Variants in GRIK1 observed in about 807,000 individuals in gnomAD.
GRIK1 encodes glutamate receptor ionotropic, kainate 1.
GRIK1 carries 69 observed loss-of-function variants against 105.7 expected under a neutral mutation model. That is an observed-to-expected ratio of 0.65 (90% CI 0.54 to 0.80). GRIK1 has a LOEUF of 0.80. Among genes scored for constraint, GRIK1 ranks in the 30% least tolerant of loss-of-function variants. GRIK1 has a pLI of 0.00. For synonymous variants in GRIK1, 438 were observed against 431.3 expected (o/e 1.02, Z -0.19); for missense variants, 1,109 against 1,167.3 (o/e 0.95, Z 0.73).
chr21:29,710,093 T>C (rs1308889384), intron 1 of GRIK1, among the ~76,000 whole-genome samples: 1 of 151,678 alleles, frequency 6.6e-6, no homozygotes, highest in Non-Finnish European at 1.5e-5. Flanking sequence ...AAATATTATT[T>C]ATACTCATAT....
intron 1 of GRIK1, among the ~76,000 whole-genome samples, chr21:29,847,369 G>A (rs1192745598): frequency 6.6e-6 from 1 of 152,228 alleles, no homozygotes; most frequent in Non-Finnish European, 1.5e-5. Context: ...GCCCAGGCGG[G>A]TGGATCACTA....
In GRIK1 at chr21:29,720,635, G is replaced by A. The variant is rs983059192; in HGVS notation, c.119-26572C>T. Among the ~76,000 whole-genome samples the A allele has an allele frequency of 3.7e-4, 56 of 152,034 alleles. 1 individual carries two copies. The highest frequency in any genetic ancestry group is 7.2e-5 in the African/African-American group (3 of 41,392). Reference sequence around the variant, plus strand: ...ATAGCTGGCCGGCTCATGGAGCTTCGGTTTACAGCAGTCACCTCTTCTACT... The same window carrying A: ...ATAGCTGGCCGGCTCATGGAGCTTCAGTTTACAGCAGTCACCTCTTCTACT... On this transcript the variant is annotated intron_variant, in intron 1 of 17. Transcript: ENST00000327783.
chr21:29,924,634 CA>C (rs927865638), intron 1 of GRIK1, among the ~76,000 whole-genome samples: 4 of 152,090 alleles, frequency 2.6e-5, no homozygotes, highest in Admixed American at 2.0e-4. Flanking sequence ...CTTAATGTCT[CA>C]AAAAATTTTA....
At chr21:29,609,448 A>G (rs1021264485) in intron 7 of GRIK1, among the ~76,000 whole-genome samples, 21 of 152,176 alleles carry the variant, frequency 1.4e-4, no homozygotes, top group Admixed American at 8.5e-4. Flanking sequence ...TTATGTGTCA[A>G]TTTGACTGGG....
In GRIK1 at chr21:29,766,124, C is replaced by T. The variant is rs1256823828; in HGVS notation, c.119-72061G>A. On this transcript the variant is annotated intron_variant, in intron 1 of 17. Coordinates refer to ENST00000327783, the MANE Select transcript of GRIK1 (RefSeq NM_001330994.2). ...TTGGCCTCCAAAAGTGCTGGGATTA[C>T]AGGCATGAGCCACCGTGCCTGGCCA... Among the ~76,000 whole-genome samples the T allele has an allele frequency of 3.3e-5, 5 of 152,264 alleles. No individual in the cohort carries two copies. In the South Asian group the frequency reaches 1.0e-3, roughly 32 times the overall value.
At chr21:29,679,385 T>TTA (rs1227277551) in intron 3 of GRIK1, among the ~76,000 whole-genome samples, 1 of 152,164 alleles carries the variant, frequency 6.6e-6, no homozygotes, top group Non-Finnish European at 1.5e-5. Context: ...GGTTGATGTG[T>TTA]TATAAATTCA....
At chr21:29,548,936 T>C (rs1051916570) in intron 16 of GRIK1, among the ~76,000 whole-genome samples, 5 of 152,348 alleles carry the variant, frequency 3.3e-5, no homozygotes, top group Non-Finnish European at 5.9e-5. Flanking sequence ...TTAATTTTTT[T>C]CCCTTATTTC....
intron 16 of GRIK1, among the ~76,000 whole-genome samples, chr21:29,544,699 G>T (rs1277528160): frequency 6.6e-6 from 1 of 152,202 alleles, no homozygotes; most frequent in Non-Finnish European, 1.5e-5. Flanking sequence ...TTTGAAACAA[G>T]GAAAAGGCAG....
At chr21:29,922,261 G>A (rs561874982) in intron 1 of GRIK1, among the ~76,000 whole-genome samples, 76 of 152,168 alleles carry the variant, frequency 5.0e-4, no homozygotes, top group African/African-American at 1.8e-3. Context: ...AATGACTTAT[G>A]TCCAATAAAG....
At chr21:29,553,817 C>T (rs2090183026) in intron 16 of GRIK1, 4 of 717,632 alleles carry the variant, frequency 5.6e-6, no homozygotes, top group Admixed American at 2.8e-5. Flanking sequence ...ATGAAAAGCA[C>T]ATTAAAGCAT....
chr21:29,797,008 T>A (rs1601721183), intron 1 of GRIK1, among the ~76,000 whole-genome samples: 1 of 151,344 alleles, frequency 6.6e-6, no homozygotes, highest in African/African-American at 2.4e-5. Flanking sequence ...CAGAATTTAG[T>A]TGGTTTCTAA....
intron 7 of GRIK1, among the ~76,000 whole-genome samples, chr21:29,602,457 T>C (rs1173346293): frequency 6.6e-6 from 1 of 152,200 alleles, no homozygotes; most frequent in African/African-American, 2.4e-5. Context: ...GTTTACAGTT[T>C]AGTAGGAACA....
At chr21:29,660,819 A>T (rs1033581165) in intron 4 of GRIK1, among the ~76,000 whole-genome samples, 1 of 152,244 alleles carries the variant, frequency 6.6e-6, no homozygotes, top group Admixed American at 6.5e-5. Context: ...ATTTCAAGTG[A>T]ATAACTTCCA....
intron 1 of GRIK1, among the ~76,000 whole-genome samples, chr21:29,829,453 G>T (rs185114952): frequency 6.6e-6 from 1 of 152,086 alleles, no homozygotes; most frequent in Non-Finnish European, 1.5e-5. Context: ...GTTATACTCC[G>T]TGGATCCTCC....
At chr21:29,709,728 G>T (rs1486358887) in intron 1 of GRIK1, among the ~76,000 whole-genome samples, 2 of 151,108 alleles carry the variant, frequency 1.3e-5, no homozygotes, top group East Asian at 3.9e-4. Context: ...TATTTTGCAG[G>T]TTTTTTTCAC....
At chr21:29,822,117 A>G (rs2067322056) in intron 1 of GRIK1, among the ~76,000 whole-genome samples, 1 of 152,098 alleles carries the variant, frequency 6.6e-6, no homozygotes, top group Admixed American at 6.6e-5. Context: ...AAGTGAAGGC[A>G]TCAGGAAAGT....
chr21:29,648,905 T>G (rs1323959346), intron 6 of GRIK1, among the ~76,000 whole-genome samples: 1 of 152,188 alleles, frequency 6.6e-6, no homozygotes, highest in Non-Finnish European at 1.5e-5. Context: ...GTCTGCGATG[T>G]GGACCCAATG....
intron 1 of GRIK1, among the ~76,000 whole-genome samples, chr21:29,930,365 A>C (rs767253): frequency 0.68 from 103,831 of 151,948 alleles, 35,700 homozygotes; most frequent in East Asian, 0.83. Flanking sequence ...TAGAAGTTTA[A>C]AATTTAGGAA....
At chr21:29,546,395 T>C (rs1440622037) in intron 16 of GRIK1, among the ~76,000 whole-genome samples, 1 of 152,208 alleles carries the variant, frequency 6.6e-6, no homozygotes, top group Non-Finnish European at 1.5e-5. Context: ...CTACAAGTCT[T>C]ATCACCTCCT....
Sources: allele counts gnomAD v4.1 joint callset (sites outside exome capture counted in the v4.1 genomes callset), GRCh38; gene constraint gnomAD v4.1.1; transcripts MANE v1.5; gene names NCBI Gene and HGNC (gene_info 2026-07-23, HGNC 2026-07-21).